THADA: variants seen among roughly 807,000 people sequenced by gnomAD.
The protein encoded by THADA is tRNA (32-2'-O)-methyltransferase regulator THADA.
THADA carries 213 observed loss-of-function variants against 219.8 expected under a neutral mutation model. The observed-to-expected ratio is 0.97, with a 90% confidence interval of 0.87 to 1.09. THADA has a LOEUF of 1.09. THADA is among the 50% of genes least tolerant of loss of function. The pLI is 0.00. For missense variants in THADA, 2,956 were observed against 2,311.3 expected, an observed-to-expected ratio of 1.28 and a Z score of -5.72; for synonymous variants, 1,018 against 828.9, an observed-to-expected ratio of 1.23 and a Z score of -3.92.
At chr2:43,497,644 T>C (rs1001667482) in intron 25 of THADA, among the ~76,000 whole-genome samples, 4 of 152,164 alleles carry the variant, frequency 2.6e-5, no homozygotes, top group African/African-American at 9.7e-5. Flanking sequence ...CCCAACACTT[T>C]GGGAGGCCAA....
Position 43,468,903 on chromosome 2 carries a change from G to A in THADA, c.3836+16331C>T, listed in dbSNP as rs115690342. 7.2e-3 allele frequency among the ~76,000 whole-genome samples: 1,089 copies of A among 152,228 alleles called. 12 individuals are homozygous for A. The highest frequency in any genetic ancestry group is 0.025 in the African/African-American group (1,036 of 41,532). ...CCCTGAGATGAAGAAACTGAGGCCC[G>A]GGGGACTAAAATAAATTGCTCAAAG... On this transcript the variant is annotated intron_variant, in intron 26 of 37. Transcript: ENST00000405975.
At chr2:43,294,984 C>T (rs1200141849) in intron 31 of THADA, among the ~76,000 whole-genome samples, 3 of 152,178 alleles carry the variant, frequency 2.0e-5, no homozygotes, top group South Asian at 2.1e-4. Flanking sequence ...ACCAGCTGGG[C>T]GTGGTGGCTC....
At chr2:43,308,049 T>A (rs1193065420) in intron 31 of THADA, among the ~76,000 whole-genome samples, 2 of 151,956 alleles carry the variant, frequency 1.3e-5, no homozygotes, top group East Asian at 1.9e-4. Flanking sequence ...TTAAAAAAAA[T>A]TCACAAGATG....
chr2:43,578,317 T>C (rs1574342693), intron 9 of THADA, among the ~76,000 whole-genome samples, 196 bp downstream of exon 9: 1 of 150,728 alleles, frequency 6.6e-6, no homozygotes. Flanking sequence ...AAATTTTCTT[T>C]TTTTTTTTTT....
intron 4 of THADA, among the ~76,000 whole-genome samples, chr2:43,590,466 G>T (rs572705309): frequency 2.6e-4 from 40 of 151,920 alleles, no homozygotes; most frequent in African/African-American, 9.4e-4. Context: ...CACAAGGTCA[G>T]GAGATCAAGA....
intron 14 of THADA, among the ~76,000 whole-genome samples, chr2:43,569,312 T>A (rs986564779): frequency 2.0e-5 from 3 of 152,222 alleles, no homozygotes; most frequent in African/African-American, 7.2e-5. Context: ...TAGAGAGATA[T>A]ATAGTTTACA....
intron 21 of THADA, among the ~76,000 whole-genome samples, chr2:43,533,600 TGA>T (rs938678004): frequency 1.3e-5 from 2 of 152,176 alleles, no homozygotes; most frequent in African/African-American, 4.8e-5. Context: ...GGGACTTGGA[TGA>T]AGCTGGAAGC....
chr2:43,289,976 G>GTTTTTTT (rs59073038), intron 34 of THADA, among the ~76,000 whole-genome samples: 1 of 92,010 alleles, frequency 1.1e-5, no homozygotes, highest in Non-Finnish European at 2.1e-5. Flanking sequence ...TTTTGTTTTT[G>GTTTTTTT]TTTTTTTTTT....
chr2:43,535,559 T>TA (rs1209780424), intron 21 of THADA, among the ~76,000 whole-genome samples: 1 of 148,050 alleles, frequency 6.8e-6, no homozygotes, highest in East Asian at 2.1e-4. Context: ...CACATGCTTG[T>TA]AATCGAAGCT....
intron 25 of THADA, among the ~76,000 whole-genome samples, chr2:43,497,612 C>T (rs551574844): frequency 6.6e-6 from 1 of 152,230 alleles, no homozygotes; most frequent in South Asian, 2.1e-4. Context: ...ACAGGCTGAG[C>T]GTTATGGCTC....
chr2:43,580,851 G>C lies in THADA; in HGVS notation c.721+890C>G, dbSNP rs143934359. On this transcript the variant is annotated intron_variant, in intron 8 of 37. Coordinates refer to ENST00000405975, the MANE Select transcript of THADA (RefSeq NM_022065.5). Reference sequence around the variant, plus strand: ...GCCAAGATCACGCCACTGCACTCCAGTGTGGGCGACAAAGAGAGACTCCAT... The same window carrying C: ...GCCAAGATCACGCCACTGCACTCCACTGTGGGCGACAAAGAGAGACTCCAT... Among the ~76,000 whole-genome samples, 492 of 151,942 alleles carry C rather than the reference G, an allele frequency of 3.2e-3. 3 individuals carry two copies. Among genetic ancestry groups the C allele is most frequent in the African/African-American group, 0.011 (476 of 41,428 alleles).
intron 31 of THADA, among the ~76,000 whole-genome samples, chr2:43,311,494 C>T (rs930722697): frequency 1.3e-5 from 2 of 152,194 alleles, no homozygotes; most frequent in South Asian, 2.1e-4. Flanking sequence ...TGGCATATGG[C>T]CCAGACATTC....
intron 30 of THADA, among the ~76,000 whole-genome samples, chr2:43,338,890 T>C (rs185609061): frequency 2.1e-4 from 32 of 152,362 alleles, no homozygotes; most frequent in Non-Finnish European, 3.8e-4. Flanking sequence ...TGGATTAACA[T>C]AGTAATTCTA....
intron 26 of THADA, among the ~76,000 whole-genome samples, chr2:43,473,176 C>A (rs1685114763): frequency 6.6e-6 from 1 of 152,166 alleles, no homozygotes; most frequent in Non-Finnish European, 1.5e-5. Flanking sequence ...ACTTTTTGAT[C>A]TTTTGTAACA....
At chr2:43,392,568 G>A (rs1033739109) in intron 29 of THADA, among the ~76,000 whole-genome samples, 1 of 152,032 alleles carries the variant, frequency 6.6e-6, no homozygotes, top group Non-Finnish European at 1.5e-5. Context: ...TTCCCGTAAA[G>A]GTAATGCTAA....
intron 29 of THADA, among the ~76,000 whole-genome samples, chr2:43,354,354 TTC>T (rs1278936544): frequency 2.0e-5 from 3 of 152,266 alleles, no homozygotes; most frequent in African/African-American, 7.2e-5. Context: ...CATTTATCAT[TTC>T]TCTGTTATGA....
intron 30 of THADA, among the ~76,000 whole-genome samples, chr2:43,334,719 G>A (rs957425116): frequency 5.3e-5 from 8 of 151,800 alleles, no homozygotes; most frequent in Non-Finnish European, 1.0e-4. Flanking sequence ...AGCTTGCAGT[G>A]AGCCGAGATC....
chr2:43,335,428 T>G (rs1454887596), intron 30 of THADA, among the ~76,000 whole-genome samples: 1 of 152,184 alleles, frequency 6.6e-6, no homozygotes, highest in African/African-American at 2.4e-5. Context: ...GTACTCCACA[T>G]GTACAGGGGT....
chr2:43,356,922 T>C (rs1169716030), intron 29 of THADA, among the ~76,000 whole-genome samples: 1 of 152,218 alleles, frequency 6.6e-6, no homozygotes, highest in African/African-American at 2.4e-5. Context: ...ACTTGCTTTT[T>C]TATCACAGCA....
Sources: allele counts gnomAD v4.1 joint callset (sites outside exome capture counted in the v4.1 genomes callset), GRCh38; gene constraint gnomAD v4.1.1; transcripts MANE v1.5; gene names NCBI Gene and HGNC (gene_info 2026-07-23, HGNC 2026-07-21).